The following DTX1 variants were observed in gnomAD, a reference collection of about 807,000 sequenced individuals.
DTX1 encodes E3 ubiquitin-protein ligase DTX1.
Under a neutral mutation model 57.8 loss-of-function variants are expected in DTX1, and 26 were observed. That is an observed-to-expected ratio of 0.45 (90% CI 0.33 to 0.62). DTX1 has a LOEUF of 0.62. DTX1 is among the 20% of genes least tolerant of loss of function. DTX1 has a pLI of 0.02. For synonymous variants in DTX1, 398 were observed against 394.1 expected (o/e 1.01, Z -0.12); for missense variants, 704 against 895.3 (o/e 0.79, Z 2.73).
intron 3 of DTX1, among the ~76,000 whole-genome samples, chr12:113,091,559 T>G (rs1038059538): frequency 1.3e-5 from 2 of 152,172 alleles, no homozygotes; most frequent in Admixed American, 6.5e-5. Context: ...TGTGGTCTTC[T>G]CCATGCATGT....
intron 2 of DTX1, among the ~76,000 whole-genome samples, chr12:113,076,542 T>C (rs1053775435): frequency 5.9e-5 from 9 of 151,422 alleles, no homozygotes; most frequent in Non-Finnish European, 1.2e-4. Context: ...GGCGGTTGGA[T>C]TGCTTGAGCC....
At chr12:113,067,324 C>G (rs553434093) in intron 2 of DTX1, among the ~76,000 whole-genome samples, 15 of 152,222 alleles carry the variant, frequency 9.9e-5, no homozygotes, top group Non-Finnish European at 2.9e-5. Context: ...CCAGCTTCCT[C>G]TGTTCTAGGG....
At chr12:113,081,648 C>A (rs1459156297) in intron 3 of DTX1, among the ~76,000 whole-genome samples, 2 of 152,060 alleles carry the variant, frequency 1.3e-5, no homozygotes, top group African/African-American at 4.8e-5. Context: ...AACAGCTGAT[C>A]CATGCAGAGG....
chr12:113,073,124 A>T (rs981231037), intron 2 of DTX1, among the ~76,000 whole-genome samples: 7 of 151,918 alleles, frequency 4.6e-5, no homozygotes, highest in African/African-American at 1.7e-4. Context: ...GCGGGTTCCC[A>T]TTGCTTCCCT....
At chr12:113,084,170 G>A (rs1404258944) in intron 3 of DTX1, among the ~76,000 whole-genome samples, 2 of 152,212 alleles carry the variant, frequency 1.3e-5, no homozygotes, top group African/African-American at 2.4e-5. Context: ...ACAGGGCGGG[G>A]AGCCAGCTGG....
chr12:113,088,895 G>A (rs559448257), intron 3 of DTX1, among the ~76,000 whole-genome samples: 2 of 152,152 alleles, frequency 1.3e-5, no homozygotes, highest in South Asian at 2.1e-4. Context: ...TGTGCCAGTA[G>A]TCCCAGCTAC....
chr12:113,057,346 C>T (rs2044632430), intron 1 of DTX1, 103 bp from the exon 2 acceptor site: 1 of 152,658 alleles, frequency 6.6e-6, no homozygotes, highest in South Asian at 2.1e-4. Flanking sequence ...TGCTGTCCCC[C>T]TTCGGTTCCC....
chr12:113,058,044 T>C lies in DTX1; in HGVS notation c.-149T>C. 1 of 1,312,442 alleles carries C rather than the reference T, an allele frequency of 7.6e-7. No individual in the cohort carries two copies. Among genetic ancestry groups the C allele is most frequent in the Non-Finnish European group, 1.0e-6 (1 of 987,962 alleles). The allele number at this position is 1,312,442 out of a possible 1,614,324, so 81.3% of individuals were successfully genotyped here. ...CCCACATTCCTTTAACGGAGGTCTC[T>C]AGGCCTCAGAGAGAACCCAGAGTTA... On this transcript the variant is annotated 5_prime_UTR_variant, in exon 2 of 10. The change abolishes the stop of an existing upstream ORF in the 5' untranslated region. Coordinates refer to ENST00000548759, the MANE Select transcript of DTX1 (RefSeq NM_004416.3).
At chr12:113,074,047 A>G (rs562872277) in intron 2 of DTX1, among the ~76,000 whole-genome samples, 1 of 152,308 alleles carries the variant, frequency 6.6e-6, no homozygotes, top group Non-Finnish European at 1.5e-5. Flanking sequence ...CCTGGCCAAC[A>G]TGGTGAAATC....
chr12:113,071,759 G>T (rs547021753), intron 2 of DTX1, among the ~76,000 whole-genome samples: 3 of 152,370 alleles, frequency 2.0e-5, no homozygotes, highest in African/African-American at 7.2e-5. Flanking sequence ...TGGCCAGCCT[G>T]GGCCGGAGAG....
rs568279806 is a variant in DTX1, at chr12:113,077,399, C to T, written c.260-25C>T. On this transcript the variant is annotated intron_variant, in intron 2 of 9. Transcript: ENST00000548759. The surrounding 1 kb of genome is among the most constrained non-coding windows in gnomAD (Gnocchi z 7.8). ...CGCAGACCAACGCCCGCTGTGCTGA[C>T]GCCTCCTCCCCATTTCGAGTACAGG... 4.4e-6 allele frequency: 7 copies of T among 1,576,588 alleles called. No homozygotes were observed. The highest frequency in any genetic ancestry group is 2.3e-5 in the South Asian group (2 of 85,832).
Position 113,058,414 on chromosome 12 carries a change from C to T in DTX1, c.222C>T (p.Ile74=). The change falls in exon 2 of 10, where the codon ATC becomes ATT. Residue 74 remains isoleucine, a synonymous_variant. Coordinates refer to ENST00000548759, the MANE Select transcript of DTX1 (RefSeq NM_004416.3). ...QVDAQLVPYI[I]DLQSMHQFRQ... Reference sequence around the variant, plus strand: ...ACGCCCAGCTTGTGCCCTACATCATCGACCTGCAGTCCATGCACCAGTTTC... The same window carrying T: ...ACGCCCAGCTTGTGCCCTACATCATTGACCTGCAGTCCATGCACCAGTTTC... 1.2e-6 allele frequency: 2 copies of T among 1,606,424 alleles called. No individual in the cohort carries two copies. The highest frequency in any genetic ancestry group is 1.3e-5 in the African/African-American group (1 of 75,046).
At chr12:113,094,608 G>A (rs887482217) in intron 6 of DTX1, among the ~76,000 whole-genome samples, 181 bp from the exon 7 acceptor site, 6 of 152,212 alleles carry the variant, frequency 3.9e-5, no homozygotes, top group African/African-American at 1.4e-4. Context: ...ATAAAATAAC[G>A]AAGAAGAAGA....
intron 2 of DTX1, among the ~76,000 whole-genome samples, chr12:113,065,664 G>A (rs1324543352): frequency 2.6e-5 from 4 of 152,186 alleles, no homozygotes; most frequent in Non-Finnish European, 5.9e-5. Context: ...GAGTAGGGGA[G>A]GTGATGCGGA....
intron 2 of DTX1, among the ~76,000 whole-genome samples, chr12:113,066,556 G>A (rs1322313155): frequency 6.6e-6 from 1 of 151,910 alleles, no homozygotes; most frequent in African/African-American, 2.4e-5. Context: ...CGTAGTGGGT[G>A]GGGAGATTTG....
intron 3 of DTX1, among the ~76,000 whole-genome samples, chr12:113,091,211 G>T (rs191633920): frequency 3.3e-5 from 5 of 151,842 alleles, no homozygotes; most frequent in Non-Finnish European, 1.5e-5. Context: ...GTGCTTCTGT[G>T]TGTATGTGTG....
rs191477584 is a variant in DTX1, at chr12:113,059,952, C to T, written c.259+1501C>T. Reference sequence around the variant, plus strand: ...GTAGATCCAGAACATTGCATTGTTGCAGAAAGTTCTATTACACCATGCTAG... The same window carrying T: ...GTAGATCCAGAACATTGCATTGTTGTAGAAAGTTCTATTACACCATGCTAG... On this transcript the variant is annotated intron_variant, in intron 2 of 9. Coordinates refer to ENST00000548759, the MANE Select transcript of DTX1 (RefSeq NM_004416.3). 2.7e-4 allele frequency among the ~76,000 whole-genome samples: 37 copies of T among 135,380 alleles called. No homozygotes were observed. The East Asian group carries it at 7.2e-3, about 26-fold the overall frequency. The allele number at this position is 135,380 out of a possible 152,430, so 88.8% of individuals were successfully genotyped here.
Position 113,093,177 on chromosome 12 carries a change from G to A in DTX1, c.957G>A (p.Pro319=), listed in dbSNP as rs747878200. 8.7e-6 allele frequency: 14 copies of A among 1,600,064 alleles called. No individual in the cohort carries two copies. The highest frequency in any genetic ancestry group is 1.1e-5 in the South Asian group (1 of 88,344). Residue 319 remains proline (P), a synonymous_variant, in exon 4 of 10, where the codon CCG becomes CCA. Transcript: ENST00000548759. This position sits in a 1 kb window ranked among gnomAD's most constrained non-coding sequence, Gnocchi z 4.2. ...ASIPPGVPAL[P]VKNLNGTGPV... is the part of the protein sequence containing the mutation. Reference sequence around the variant, plus strand: ...CTCCCCGCAGGGTCCCCGCACTCCCGGTGAAGAACTTGAATGGTACTGGGC... The same window carrying A: ...CTCCCCGCAGGGTCCCCGCACTCCCAGTGAAGAACTTGAATGGTACTGGGC...
At chr12:113,067,929 C>T (rs930265860) in intron 2 of DTX1, among the ~76,000 whole-genome samples, 5 of 152,052 alleles carry the variant, frequency 3.3e-5, no homozygotes, top group Non-Finnish European at 5.9e-5. Context: ...ATCCCAGCTA[C>T]TCAGGAGGCT....
Sources: gnomAD v4.1 joint callset for allele counts (sites outside exome capture counted in the v4.1 genomes callset) on GRCh38, gnomAD v4.1.1 for gene constraint, Gnocchi (gnomAD v3.1) non-coding constraint, MANE v1.5 for transcripts, NCBI Gene and HGNC (gene_info 2026-07-23, HGNC 2026-07-21) for gene names.